The following BCL9 variants were observed in gnomAD, a reference collection of about 807,000 sequenced individuals.
BCL9 encodes the protein BCL9 transcription coactivator.
A neutral mutation model predicts 88.5 loss-of-function variants in BCL9; 25 were observed. That is an observed-to-expected ratio of 0.28 (90% CI 0.21 to 0.39). The LOEUF (loss-of-function observed/expected upper bound fraction) is 0.39, where lower values mean the gene tolerates loss of function less well. Among genes scored for constraint, BCL9 ranks in the 10% least tolerant of loss-of-function variants. The probability of loss-of-function intolerance (pLI) is 1.00; values close to 1 mark genes in which losing one functional copy is unlikely to be tolerated. For synonymous variants in BCL9, 711 were observed against 673.3 expected (o/e 1.06, Z -0.87); for missense variants, 1,817 against 1,877.8 (o/e 0.97, Z 0.60).
intron 1 of BCL9, among the ~76,000 whole-genome samples, chr1:147,549,744 A>G (rs1654800226): frequency 1.3e-5 from 2 of 152,326 alleles, no homozygotes; most frequent in South Asian, 4.1e-4. Context: ...GCCTGCAATC[A>G]AGACTCGGAA....
chr1:147,618,854 T>C lies in BCL9; in HGVS notation c.699T>C (p.Pro233=). The change falls in exon 8 of 10, where the codon CCT becomes CCC. Residue 233 remains proline, a synonymous_variant. Transcript: ENST00000234739. ...CTGCCCTTCGGAATGATCCGAAACC[T>C]CTCCCACAACAGCCCCCAGCTCCGG... ...QISALRNDPK[P]LPQQPPAPAN... The C allele has an allele frequency of 1.3e-6, 2 of 1,587,246 alleles. No homozygotes were observed. The highest frequency in any genetic ancestry group is 1.7e-6 in the Non-Finnish European group (2 of 1,168,464).
intron 7 of BCL9, among the ~76,000 whole-genome samples, chr1:147,617,631 T>C (rs782340828): frequency 6.6e-6 from 1 of 152,246 alleles, no homozygotes; most frequent in Non-Finnish European, 1.5e-5. Context: ...TATGTTTTCA[T>C]GTGTATACAA....
In BCL9 at chr1:147,620,917, T is replaced by C. The variant is rs1658603266; in HGVS notation, c.2762T>C (p.Leu921Pro). ...TCTGCTGCTGCTTCACCTGTCCACC[T>C]CAAGTCTCCATCACTTCCTGCCCCG... Reference protein sequence around the residue: ...LGSAAASPVHLKSPSLPAPSP... With the variant: ...LGSAAASPVHPKSPSLPAPSP... The change falls in exon 8 of 10, where the codon CTC becomes CCC. Residue 921 changes from leucine to proline, a missense_variant. This residue lies in a region of BCL9 where 589 missense variants were observed against 686.2 expected (regional missense o/e 0.86). Transcript: ENST00000234739. 1 of 1,614,032 alleles carries C rather than the reference T, an allele frequency of 6.2e-7. No individual in the cohort carries two copies.
chr1:147,582,658 A>T (rs1557836393), intron 1 of BCL9, among the ~76,000 whole-genome samples: 1 of 152,242 alleles, frequency 6.6e-6, no homozygotes, highest in Non-Finnish European at 1.5e-5. Context: ...ATACTGCATC[A>T]CATGTGAAAA....
At chr1:147,576,254 A>C (rs868985706) in intron 1 of BCL9, among the ~76,000 whole-genome samples, 15 of 152,210 alleles carry the variant, frequency 9.9e-5, no homozygotes, top group African/African-American at 2.9e-4. Flanking sequence ...AAAGTATAAA[A>C]TTCACAAAAA....
At chr1:147,617,490 T>G (rs1658344479) in intron 7 of BCL9, among the ~76,000 whole-genome samples, 1 of 151,818 alleles carries the variant, frequency 6.6e-6, no homozygotes, top group African/African-American at 2.4e-5. Context: ...GAAATATACT[T>G]TTAACTGTAC....
rs200710221 is a variant in BCL9, at chr1:147,624,410, G to A, written c.3732G>A (p.Lys1244=). Residue 1244 remains lysine, a synonymous_variant, in exon 10 of 10, where the codon AAG becomes AAA. Coordinates refer to ENST00000234739, the MANE Select transcript of BCL9 (RefSeq NM_004326.4). This position sits in a 1 kb window ranked among gnomAD's most constrained non-coding sequence, Gnocchi z 4.4. ...TATCCCGCATTATTCCATCTGAGAA[G>A]CCCAGCCAGACGCTGCAATATTTCC... The part of the protein sequence containing the change: ...FDLSRIIPSE[K]PSQTLQYFPR... 1.2e-5 allele frequency: 19 copies of A among 1,614,220 alleles called. No homozygotes were observed. In the East Asian group the frequency reaches 3.8e-4, roughly 32 times the overall value.
At chr1:147,579,082 T>A (rs1235592176) in intron 1 of BCL9, among the ~76,000 whole-genome samples, 3 of 152,180 alleles carry the variant, frequency 2.0e-5, no homozygotes, top group Non-Finnish European at 4.4e-5. Flanking sequence ...GCCAGGCTGG[T>A]CTCGAACTCC....
chr1:147,573,130 G>C (rs1191815440), intron 1 of BCL9, among the ~76,000 whole-genome samples: 1 of 152,158 alleles, frequency 6.6e-6, no homozygotes, highest in African/African-American at 2.4e-5. Context: ...ACACAATAAA[G>C]ACTTAATAAT....
chr1:147,620,821 C>T lies in BCL9; in HGVS notation c.2666C>T (p.Pro889Leu), dbSNP rs1479210417. ...PSGNLKSPQT[P>L]SQLAGMLAGP... The stretch of plus-strand genomic sequence containing the variant: ...GGGAACCTCAAGTCCCCCCAGACTC[C>T]ATCGCAGCTGGCAGGCATGCTGGCG... Residue 889 changes from proline (P) to leucine (L), a missense_variant, in exon 8 of 10, where the codon CCA becomes CTA. Coordinates refer to ENST00000234739, the MANE Select transcript of BCL9 (RefSeq NM_004326.4). 1.2e-6 allele frequency: 2 copies of T among 1,614,100 alleles called. No homozygotes were observed. Among genetic ancestry groups the T allele is most frequent in the South Asian group, 1.1e-5 (1 of 91,090 alleles).
At chr1:147,555,613 C>T (rs974237521) in intron 1 of BCL9, among the ~76,000 whole-genome samples, 1 of 152,182 alleles carries the variant, frequency 6.6e-6, no homozygotes, top group Admixed American at 6.5e-5. Context: ...GATGTTGGGC[C>T]AAGGCCCCAT....
chr1:147,542,290 G>T (rs1371545595), intron 1 of BCL9, among the ~76,000 whole-genome samples: 3 of 152,226 alleles, frequency 2.0e-5, no homozygotes, highest in Admixed American at 6.5e-5. Flanking sequence ...GAGAGCAAGA[G>T]AACTCTGCCA....
At position 147,619,095 on chromosome 1, in the gene BCL9, G is replaced by A; in HGVS notation, c.940G>A (p.Val314Met). 6.2e-7 allele frequency: 1 copy of A among 1,613,840 alleles called. No individual in the cohort carries two copies. Among genetic ancestry groups the A allele is most frequent in the East Asian group, 2.2e-5 (1 of 44,868 alleles). The change falls in exon 8 of 10, where the codon GTG (valine) becomes ATG (methionine). Residue 314 changes from valine (V) to methionine (M), a missense_variant. Transcript: ENST00000234739. The surrounding 1 kb of genome is among the most constrained non-coding windows in gnomAD (Gnocchi z 4.1). Reference protein sequence around the residue: ...GPNSTPNNRAVTPVSQGSNSS... With the variant: ...GPNSTPNNRAMTPVSQGSNSS... ...CAACTCAACTCCCAACAATAGGGCA[G>A]TGACCCCTGTCTCCCAGGGGAGCAA...
intron 4 of BCL9, among the ~76,000 whole-genome samples, chr1:147,612,490 A>G (rs1658059801): frequency 6.6e-6 from 1 of 152,092 alleles, no homozygotes; most frequent in Non-Finnish European, 1.5e-5. Context: ...AGGCTCTCCT[A>G]CAGCTGTTCC....
chr1:147,567,356 TA>T (rs1655653947), intron 1 of BCL9, among the ~76,000 whole-genome samples: 1 of 152,198 alleles, frequency 6.6e-6, no homozygotes, highest in Non-Finnish European at 1.5e-5. Context: ...ACTATTGCAA[TA>T]GTAACATCAT....
intron 1 of BCL9, among the ~76,000 whole-genome samples, chr1:147,576,151 T>A (rs1312014583): frequency 6.6e-6 from 1 of 152,220 alleles, no homozygotes; most frequent in African/African-American, 2.4e-5. Context: ...TGCTGAAATA[T>A]ATTCAGGGAT....
chr1:147,576,903 A>G (rs1656136879), intron 1 of BCL9, among the ~76,000 whole-genome samples: 1 of 152,144 alleles, frequency 6.6e-6, no homozygotes, highest in Admixed American at 6.5e-5. Flanking sequence ...AGGTTTGCAG[A>G]ATCTATCCGT....
At chr1:147,604,533 C>T (rs1657559231) in intron 1 of BCL9, among the ~76,000 whole-genome samples, 1 of 152,166 alleles carries the variant, frequency 6.6e-6, no homozygotes, top group African/African-American at 2.4e-5. Flanking sequence ...TCTAAACTCC[C>T]AGTCATCCAT....
intron 3 of BCL9, among the ~76,000 whole-genome samples, chr1:147,608,232 C>T (rs1053999812): frequency 6.6e-6 from 1 of 150,606 alleles, no homozygotes; most frequent in Non-Finnish European, 1.5e-5. Flanking sequence ...GATTAAAGGT[C>T]GAATGGCAAG....
Sources: allele counts gnomAD v4.1 joint callset (sites outside exome capture counted in the v4.1 genomes callset), GRCh38; gene constraint gnomAD v4.1.1; regional missense constraint gnomAD v4.1.1; non-coding constraint Gnocchi (gnomAD v3.1); transcripts MANE v1.5; gene names NCBI Gene and HGNC (gene_info 2026-07-23, HGNC 2026-07-21).